CC2D2B: variants seen among roughly 807,000 people sequenced by gnomAD.
CC2D2B encodes protein CC2D2B.
In CC2D2B, 128 loss-of-function variants were observed where a neutral mutation model predicts 161.2. The observed-to-expected ratio is 0.79, with a 90% CI of 0.69 to 0.92. The LOEUF (loss-of-function observed/expected upper bound fraction) is 0.92, where lower values mean the gene tolerates loss of function less well. Ranked by LOEUF, CC2D2B falls within the 40% of genes least tolerant of loss-of-function variation. CC2D2B has a pLI of 0.00. For missense variants in CC2D2B, 1,173 were observed against 1,375.1 expected (o/e 0.85, Z 2.32); for synonymous variants, 391 against 449.8 (o/e 0.87, Z 1.65).
At position 95,990,989 on chromosome 10, in the gene CC2D2B, A is replaced by G. The variant is rs551905252; in HGVS notation, c.2380-381A>G. 2.0e-4 allele frequency among the ~76,000 whole-genome samples: 30 copies of G among 152,366 alleles called. No homozygotes were observed. The South Asian group carries it at 5.8e-3, about 29-fold the overall frequency. On this transcript the variant is annotated intron_variant, in intron 20 of 34. Coordinates refer to ENST00000646931, the MANE Select transcript of CC2D2B (RefSeq NM_001349008.3). ...TCAAAATTCCTTGGGTTTGTAGATCAAGACTCATATCCATTACTAGTGGCT... is the reference window on the plus strand; with the variant it reads ...TCAAAATTCCTTGGGTTTGTAGATCGAGACTCATATCCATTACTAGTGGCT...
At chr10:95,993,851 TAGAGAGAG>T (rs60372025) in intron 22 of CC2D2B, among the ~76,000 whole-genome samples, 11 of 98,062 alleles carry the variant, frequency 1.1e-4, no homozygotes, top group South Asian at 3.7e-4. Context: ...TATATATATA[TAGAGAGAG>T]AGAGAGAGAG....
At chr10:95,925,941 T>C (rs2098537543) in intron 5 of CC2D2B, among the ~76,000 whole-genome samples, 1 of 152,142 alleles carries the variant, frequency 6.6e-6, no homozygotes, top group Non-Finnish European at 1.5e-5. Flanking sequence ...GAGAAAAGAC[T>C]GTAATGAGCA....
chr10:95,930,072 G>GA lies in CC2D2B; in HGVS notation c.336+2741dup, dbSNP rs2098547209. Among the ~76,000 whole-genome samples, 3 of 152,022 alleles carry GA rather than the reference G, an allele frequency of 2.0e-5. No individual in the cohort carries two copies. The South Asian group carries it at 6.2e-4, about 32-fold the overall frequency. ...TGTTTGTGTCCTCTTTTATTTAATT[G>GA]AGCAGTGGTTTATAGTTCTCCTTGA... On this transcript the variant is annotated intron_variant, in intron 6 of 34. Coordinates refer to ENST00000646931, the MANE Select transcript of CC2D2B (RefSeq NM_001349008.3).
At chr10:96,012,044 T>C in intron 26 of CC2D2B, 141 bp from the exon 27 acceptor site, 1 of 521,774 alleles carries the variant, frequency 1.9e-6, no homozygotes, top group Non-Finnish European at 3.4e-6. Context: ...CTGCTCATTC[T>C]TGGGCAAGTG....
chr10:95,947,507 G>A (rs2076263100), intron 9 of CC2D2B, among the ~76,000 whole-genome samples: 1 of 151,922 alleles, frequency 6.6e-6, no homozygotes, highest in Admixed American at 6.6e-5. Context: ...ACTTTGGGAG[G>A]CCGAGGTGGG....
chr10:95,997,320 G>C (rs2078269641), intron 24 of CC2D2B, among the ~76,000 whole-genome samples: 1 of 151,740 alleles, frequency 6.6e-6, no homozygotes, highest in African/African-American at 2.4e-5. Context: ...TTGTCCTCTG[G>C]AGCACATGTG....
chr10:95,908,941 T>G (rs1313764285), intron 1 of CC2D2B, among the ~76,000 whole-genome samples: 2 of 152,106 alleles, frequency 1.3e-5, no homozygotes, highest in Non-Finnish European at 2.9e-5. Flanking sequence ...TTGTAACCTG[T>G]TTCCACATTA....
At chr10:96,022,044 G>A (rs2141928518) in intron 32 of CC2D2B, among the ~76,000 whole-genome samples, 1 of 152,306 alleles carries the variant, frequency 6.6e-6, no homozygotes, top group African/African-American at 2.4e-5. Flanking sequence ...CTGGCTGGGT[G>A]CGGTGGCTCA....
intron 9 of CC2D2B, 59 bp from the exon 10 acceptor site, chr10:95,949,837 T>C (rs2076344106): frequency 5.0e-6 from 2 of 397,628 alleles, no homozygotes; most frequent in Non-Finnish European, 4.4e-6. Flanking sequence ...GAAAAGTTAC[T>C]TATAATTTCA....
At chr10:95,978,505 T>G (rs900235790) in intron 17 of CC2D2B, among the ~76,000 whole-genome samples, 10 of 152,170 alleles carry the variant, frequency 6.6e-5, no homozygotes, top group African/African-American at 2.4e-4. Flanking sequence ...TGTAGGCAGG[T>G]GCCACCACAT....
At chr10:95,996,085 C>A in intron 23 of CC2D2B, 58 bp from the exon 24 acceptor site, 1 of 736,690 alleles carries the variant, frequency 1.4e-6, no homozygotes, top group Non-Finnish European at 2.1e-6. Context: ...TAGGCCTCTA[C>A]CTTTATCGAC....
intron 24 of CC2D2B, chr10:96,000,207 A>T: frequency 7.5e-7 from 1 of 1,334,606 alleles, no homozygotes; most frequent in Non-Finnish European, 9.6e-7. Context: ...TAGAGAACAT[A>T]CATCAGGTGC....
Position 96,032,064 on chromosome 10 carries a change from AC to A in CC2D2B, c.*57del. 1 of 1,340,340 alleles carries A rather than the reference AC, an allele frequency of 7.5e-7. No individual in the cohort carries two copies. The highest frequency in any genetic ancestry group is 1.3e-5 in the South Asian group (1 of 75,992). 83.0% of individuals were successfully genotyped at this position (1,340,340 alleles called of 1,614,324 possible). A position where few individuals can be genotyped will look rare whatever the true frequency, so the allele number is the denominator to read the frequency against. ...CTATAGTCCTCTAGTACCAACAAAA[AC>A]TTTTCTGGTACCTTGAGATTTTGCT... is the stretch of plus-strand genomic sequence containing the variant. On this transcript the variant is annotated 3_prime_UTR_variant, in exon 35 of 35. Coordinates refer to ENST00000646931, the MANE Select transcript of CC2D2B (RefSeq NM_001349008.3).
At chr10:96,009,682 G>A (rs547722232) in intron 25 of CC2D2B, 143 bp from the exon 26 acceptor site, 1 of 458,738 alleles carries the variant, frequency 2.2e-6, no homozygotes, top group Non-Finnish European at 3.8e-6. Context: ...AAATTAAAAA[G>A]CAAGAAAAAC....
chr10:96,016,284 A>G lies in CC2D2B; in HGVS notation c.3600A>G (p.Ala1200=). 6.2e-7 allele frequency: 1 copy of G among 1,612,466 alleles called. No homozygotes were observed. Among genetic ancestry groups the G allele is most frequent in the South Asian group, 1.1e-5 (1 of 90,988 alleles). ...TCTTTCTGTATTTTGGAAAGAAGGC[A>G]CTGGTCCTCTTGGGAACGTCAGTGT... ...CNFFLYFGKK[A]LVLLGTSVLE... is the part of the protein sequence containing the mutation. The change falls in exon 30 of 35, where the codon GCA becomes GCG. Residue 1200 remains alanine (A), a synonymous_variant. Transcript: ENST00000646931.
Position 95,927,253 on chromosome 10 carries a change from A to C in CC2D2B, c.257A>C (p.Glu86Ala). 6.5e-7 allele frequency: 1 copy of C among 1,546,734 alleles called. No individual in the cohort carries two copies. Residue 86 changes from glutamate to alanine, a missense_variant, in exon 6 of 35, where the codon GAA becomes GCA. Coordinates refer to ENST00000646931, the MANE Select transcript of CC2D2B (RefSeq NM_001349008.3). Reference sequence around the variant, plus strand: ...TTATCATAGTTGTCTCCACAGACTGAAGTCTCATTGGATGAAAGTCTTTCA... The same window carrying C: ...TTATCATAGTTGTCTCCACAGACTGCAGTCTCATTGGATGAAAGTCTTTCA... ...HQRSKLSPQT[E>A]VSLDESLSFF... is the part of the protein sequence containing the mutation.
chr10:96,004,414 T>C (rs2078659636), intron 25 of CC2D2B, among the ~76,000 whole-genome samples, 166 bp downstream of exon 25: 1 of 152,156 alleles, frequency 6.6e-6, no homozygotes, highest in African/African-American at 2.4e-5. Context: ...ATATAACAAG[T>C]CAGTTCAAAA....
At chr10:95,953,882 A>C (rs1051142377) in intron 10 of CC2D2B, among the ~76,000 whole-genome samples, 1 of 152,232 alleles carries the variant, frequency 6.6e-6, no homozygotes, top group Admixed American at 6.6e-5. Context: ...TATGCAGCGT[A>C]GTGTCTCACA....
intron 26 of CC2D2B, among the ~76,000 whole-genome samples, 197 bp from the exon 27 acceptor site, chr10:96,011,988 G>C (rs2079012915): frequency 6.6e-6 from 1 of 151,918 alleles, no homozygotes; most frequent in Non-Finnish European, 1.5e-5. Flanking sequence ...ATTAGGCAGG[G>C]ACCCAAGGTG....
Sources: allele counts gnomAD v4.1 joint callset (sites outside exome capture counted in the v4.1 genomes callset), GRCh38; gene constraint gnomAD v4.1.1; transcripts MANE v1.5; gene names NCBI Gene and HGNC (gene_info 2026-07-23, HGNC 2026-07-21).